The following TRIO variants were observed in gnomAD, a reference collection of about 807,000 sequenced individuals.
TRIO encodes the protein trio Rho guanine nucleotide exchange factor.
In TRIO, 58 loss-of-function variants were observed where a neutral mutation model predicts 351.9. The observed-to-expected ratio is 0.16, with a 90% CI of 0.13 to 0.21. TRIO has a LOEUF of 0.21. TRIO is among the 10% of genes least tolerant of loss of function. The pLI, the probability that TRIO is intolerant of heterozygous loss-of-function variation, is 1.00. For synonymous variants in TRIO, 1,758 were observed against 1,595.7 expected (o/e 1.10, Z -2.42); for missense variants, 3,201 against 4,027.8 (o/e 0.79, Z 5.56).
intron 9 of TRIO, among the ~76,000 whole-genome samples, chr5:14,326,579 T>A (rs1375601775): frequency 3.9e-5 from 6 of 152,008 alleles, no homozygotes; most frequent in Non-Finnish European, 8.8e-5. Context: ...AGAGTAGCCG[T>A]GGGAAGGGAT....
At chr5:14,168,970 A>T (rs1448979921) in intron 1 of TRIO, among the ~76,000 whole-genome samples, 1 of 152,178 alleles carries the variant, frequency 6.6e-6, no homozygotes, top group Non-Finnish European at 1.5e-5. Flanking sequence ...GGCCTTGCCG[A>T]CTGTCCTACC....
At chr5:14,336,457 T>C in intron 10 of TRIO, 79 bp from the exon 11 acceptor site, 1 of 1,389,920 alleles carries the variant, frequency 7.2e-7, no homozygotes, top group Non-Finnish European at 1.0e-6. Context: ...TTGACTGTGT[T>C]GCTATATATT....
intron 1 of TRIO, among the ~76,000 whole-genome samples, chr5:14,172,102 T>C (rs1419404457): frequency 6.6e-6 from 1 of 152,222 alleles, no homozygotes; most frequent in Non-Finnish European, 1.5e-5. Flanking sequence ...TTCTATCTTT[T>C]ATATTCATTA....
At chr5:14,324,846 A>C (rs1316569644) in intron 9 of TRIO, among the ~76,000 whole-genome samples, 1 of 152,220 alleles carries the variant, frequency 6.6e-6, no homozygotes, top group Non-Finnish European at 1.5e-5. Flanking sequence ...CCCATAATCA[A>C]ATGCATGGCT....
In TRIO at chr5:14,461,281, G is replaced by C. The variant is rs745487091; in HGVS notation, c.5466G>C (p.Ala1822=). ...CGCAGAAGGACTCCGACGACAGTGCGGCCACCCCGCAGGACGAGACGGTCG... is the reference window on the plus strand; with the variant it reads ...CGCAGAAGGACTCCGACGACAGTGCCGCCACCCCGCAGGACGAGACGGTCG... The part of the protein sequence containing the change: ...AGSQKDSDDS[A]ATPQDETVEE... Residue 1822 remains alanine (A), a synonymous_variant, in exon 35 of 57, where the codon GCG becomes GCC. Transcript: ENST00000344204. 14 of 1,594,768 alleles carry C rather than the reference G, an allele frequency of 8.8e-6. No homozygotes were observed. The highest frequency in any genetic ancestry group is 1.1e-5 in the Non-Finnish European group (13 of 1,171,786).
At chr5:14,325,725 G>A (rs193279030) in intron 9 of TRIO, among the ~76,000 whole-genome samples, 2 of 152,286 alleles carry the variant, frequency 1.3e-5, no homozygotes, top group Non-Finnish European at 2.9e-5. Context: ...AGAGGAATCC[G>A]TAAATACTCT....
chr5:14,342,153 C>G (rs247138), intron 11 of TRIO, among the ~76,000 whole-genome samples: 2 of 145,834 alleles, frequency 1.4e-5, no homozygotes, highest in African/African-American at 2.6e-5. Context: ...GCACTGGGGC[C>G]GGGGGAGGGT....
chr5:14,338,382 G>C (rs1229619042), intron 11 of TRIO, among the ~76,000 whole-genome samples: 1 of 152,156 alleles, frequency 6.6e-6, no homozygotes, highest in Non-Finnish European at 1.5e-5. Flanking sequence ...GCTCAACACA[G>C]TATCCCCTGA....
intron 1 of TRIO, among the ~76,000 whole-genome samples, chr5:14,144,680 G>A (rs1156516799): frequency 6.6e-6 from 1 of 152,104 alleles, no homozygotes; most frequent in African/African-American, 2.4e-5. Flanking sequence ...CCGGCGCAGA[G>A]GGGGTGGCCG....
chr5:14,404,617 T>G (rs1235584988), intron 31 of TRIO, among the ~76,000 whole-genome samples: 2 of 152,162 alleles, frequency 1.3e-5, no homozygotes, highest in Admixed American at 6.5e-5. Flanking sequence ...TAGAAAAGTT[T>G]CTTCTCCCGA....
intron 18 of TRIO, among the ~76,000 whole-genome samples, chr5:14,372,981 C>T (rs1302272099): frequency 6.6e-6 from 1 of 152,190 alleles, no homozygotes; most frequent in Non-Finnish European, 1.5e-5. Flanking sequence ...AGAAAACTTA[C>T]AGTCACTGCA....
At chr5:14,413,871 C>T (rs749060036) in intron 33 of TRIO, among the ~76,000 whole-genome samples, 9 of 152,148 alleles carry the variant, frequency 5.9e-5, no homozygotes, top group African/African-American at 1.7e-4. Flanking sequence ...GTTTCAGACT[C>T]GAAGCAGGTA....
Position 14,287,122 on chromosome 5 carries a change from A to G in TRIO, c.540+59A>G, listed in dbSNP as rs528400787. 1,409 of 1,536,914 alleles carry G rather than the reference A, an allele frequency of 9.2e-4. 31 individuals carry two copies. The South Asian group carries it at 0.016, about 18-fold the overall frequency. On this transcript the variant is annotated intron_variant, in intron 4 of 56. Transcript: ENST00000344204. ...AAGTTGGTGTGGTTTACTAAAAGCTATTGAGGCTAATGAGAGATTTTTTTT... is the reference window on the plus strand; with the variant it reads ...AAGTTGGTGTGGTTTACTAAAAGCTGTTGAGGCTAATGAGAGATTTTTTTT...
rs138380178 is a variant in TRIO at position 14,508,302 on chromosome 5, G to T, written c.9174G>T (p.Thr3058=). Residue 3058 remains threonine, a synonymous_variant, in exon 57 of 57, where the codon ACG becomes ACT. Coordinates refer to ENST00000344204, the MANE Select transcript of TRIO (RefSeq NM_007118.4). Reference sequence around the variant, plus strand: ...TGCAGGCCGGCAACGGCAGAAGCACGGGCGTCCTCGACACGTCCAGACTGA... The same window carrying T: ...TGCAGGCCGGCAACGGCAGAAGCACTGGCGTCCTCGACACGTCCAGACTGA... ...QWLQAGNGRS[T]GVLDTSRLTS... 8.5e-4 allele frequency: 1,376 copies of T among 1,613,906 alleles called. 2 individuals carry two copies. The highest frequency in any genetic ancestry group is 1.1e-3 in the Non-Finnish European group (1,253 of 1,180,052).
At chr5:14,222,946 AG>A (rs1561219908) in intron 1 of TRIO, among the ~76,000 whole-genome samples, 1 of 152,222 alleles carries the variant, frequency 6.6e-6, no homozygotes, top group Non-Finnish European at 1.5e-5. Context: ...TTCCTGATTG[AG>A]GGCGTCTCCC....
At chr5:14,271,451 A>G (rs1022576624) in intron 2 of TRIO, among the ~76,000 whole-genome samples, 1 of 152,144 alleles carries the variant, frequency 6.6e-6, no homozygotes, top group African/African-American at 2.4e-5. Flanking sequence ...CCAGTCTTTG[A>G]GGCCCTGGCC....
chr5:14,241,857 T>G (rs1450992301), intron 1 of TRIO, among the ~76,000 whole-genome samples: 1 of 152,228 alleles, frequency 6.6e-6, no homozygotes, highest in African/African-American at 2.4e-5. Flanking sequence ...ACAAATTATA[T>G]TCCATTGCAA....
Position 14,280,302 on chromosome 5 carries a change from T to C in TRIO, c.233-20T>C. 1.9e-6 allele frequency: 3 copies of C among 1,603,156 alleles called. No homozygotes were observed. The highest frequency in any genetic ancestry group is 2.6e-6 in the Non-Finnish European group (3 of 1,169,968). On this transcript the variant is annotated intron_variant, in intron 2 of 56. Coordinates refer to ENST00000344204, the MANE Select transcript of TRIO (RefSeq NM_007118.4). Reference sequence around the variant, plus strand: ...TGTCTTATCTTGTGTCTAAGTGTATTCCTAATGTTTGTTTTTTAGGTGGGA... The same window carrying C: ...TGTCTTATCTTGTGTCTAAGTGTATCCCTAATGTTTGTTTTTTAGGTGGGA...
Position 14,508,520 on chromosome 5 carries a change from G to A in TRIO, c.*98G>A, listed in dbSNP as rs561547660. 152 of 1,425,160 alleles carry A rather than the reference G, an allele frequency of 1.1e-4. 1 individual carries two copies. The South Asian group carries it at 1.8e-3, about 17-fold the overall frequency. The allele number at this position is 1,425,160 out of a possible 1,614,324, so 88.3% of individuals were successfully genotyped here. ...AAGCAAACATAACTGATCAGCTGCC[G>A]GTATGTTCATCGTGTGAAATTGCAT... On this transcript the variant is annotated 3_prime_UTR_variant, in exon 57 of 57. Coordinates refer to ENST00000344204, the MANE Select transcript of TRIO (RefSeq NM_007118.4).
Sources: allele counts gnomAD v4.1 joint callset (sites outside exome capture counted in the v4.1 genomes callset), GRCh38; gene constraint gnomAD v4.1.1; transcripts MANE v1.5; gene names NCBI Gene and HGNC (gene_info 2026-07-23, HGNC 2026-07-21).